Variants in PTPRN2 observed in about 807,000 individuals in gnomAD.
The protein encoded by PTPRN2 is protein tyrosine phosphatase receptor type N2, also known as receptor-type tyrosine-protein phosphatase N2.
PTPRN2 carries 74 observed loss-of-function variants against 118.8 expected under a neutral mutation model. The ratio of observed to expected loss-of-function variants is 0.62; its 90% CI spans 0.52 to 0.76. The LOEUF is 0.76. Among genes scored for constraint, PTPRN2 ranks in the 30% least tolerant of loss-of-function variants. The pLI, the probability that PTPRN2 is intolerant of heterozygous loss-of-function variation, is 0.00. For missense variants in PTPRN2, 1,481 were observed against 1,394.4 expected (o/e 1.06, Z -0.99); for synonymous variants, 641 against 608.0 (o/e 1.05, Z -0.80).
chr7:158,019,388 T>C (rs1286485332), intron 11 of PTPRN2, among the ~76,000 whole-genome samples: 1 of 152,234 alleles, frequency 6.6e-6, no homozygotes, highest in Non-Finnish European at 1.5e-5. Flanking sequence ...GCAGAGGCCG[T>C]GGTGTTTCTG....
intron 3 of PTPRN2, among the ~76,000 whole-genome samples, chr7:158,236,722 C>G (rs533667125): frequency 3.2e-4 from 48 of 152,336 alleles, no homozygotes; most frequent in African/African-American, 1.1e-3. Context: ...ACCCAGTTAC[C>G]TGGTGGAACC....
intron 11 of PTPRN2, among the ~76,000 whole-genome samples, chr7:157,919,584 T>G (rs1291483182): frequency 6.6e-6 from 1 of 152,182 alleles, no homozygotes; most frequent in Non-Finnish European, 1.5e-5. Context: ...ACAGGATTGG[T>G]GAATAAACCC....
At position 157,550,746 on chromosome 7, in the gene PTPRN2, CT is replaced by C. The variant is rs1461426175; in HGVS notation, c.2903-1728del. Among the ~76,000 whole-genome samples the C allele has an allele frequency of 6.6e-6, 1 of 152,210 alleles. No individual in the cohort carries two copies. Among genetic ancestry groups the C allele is most frequent in the Non-Finnish European group, 1.5e-5 (1 of 68,030 alleles). On this transcript the variant is annotated intron_variant, in intron 21 of 22. Coordinates refer to ENST00000389418, the MANE Select transcript of PTPRN2 (RefSeq NM_002847.5). This position sits in a 1 kb window ranked among gnomAD's most constrained non-coding sequence, Gnocchi z 5.2. Reference sequence around the variant, plus strand: ...GAGCCTCTGCAGGCATAAAAGGCGGCTTTCTTTTGCGGCAGCCCGTGAGCTC... The same window carrying C: ...GAGCCTCTGCAGGCATAAAAGGCGGCTTCTTTTGCGGCAGCCCGTGAGCTC...
intron 2 of PTPRN2, among the ~76,000 whole-genome samples, chr7:158,395,995 A>T (rs947496724): frequency 6.6e-6 from 1 of 152,038 alleles, no homozygotes; most frequent in Non-Finnish European, 1.5e-5. Flanking sequence ...TCCCGCCGCG[A>T]CCCATGGGGC....
At chr7:157,775,087 C>T (rs1360569147) in intron 12 of PTPRN2, among the ~76,000 whole-genome samples, 5 of 152,184 alleles carry the variant, frequency 3.3e-5, no homozygotes, top group Admixed American at 3.3e-4. Context: ...GGGAGTCCCT[C>T]AGTCCTCAGG....
intron 3 of PTPRN2, among the ~76,000 whole-genome samples, chr7:158,311,413 A>G (rs935670581): frequency 6.6e-6 from 1 of 152,188 alleles, no homozygotes; most frequent in East Asian, 1.9e-4. Flanking sequence ...CCAACGAGTG[A>G]CATTTAAATG....
At chr7:158,201,908 T>C (rs1826674560) in intron 4 of PTPRN2, among the ~76,000 whole-genome samples, 1 of 152,182 alleles carries the variant, frequency 6.6e-6, no homozygotes, top group Non-Finnish European at 1.5e-5. Context: ...CTGAGCACCC[T>C]GGGCCCATGT....
chr7:157,584,553 G>A (rs777559076), intron 17 of PTPRN2, among the ~76,000 whole-genome samples: 2 of 152,238 alleles, frequency 1.3e-5, no homozygotes, highest in African/African-American at 2.4e-5. Context: ...ACTGCATCCC[G>A]CTGAAGCGGT....
Position 158,275,691 on chromosome 7 carries a change from G to A in PTPRN2, c.277+41128C>T, listed in dbSNP as rs538173440. ...TCTTTGGTGAGAATCGAGGTACTAC[G>A]TTATGTGGGGTGGGTTTGCCAGGGC... On this transcript the variant is annotated intron_variant, in intron 3 of 22. Coordinates refer to ENST00000389418, the MANE Select transcript of PTPRN2 (RefSeq NM_002847.5). Among the ~76,000 whole-genome samples the A allele has an allele frequency of 9.8e-5, 15 of 152,292 alleles. No homozygotes were observed. The East Asian group carries it at 1.4e-3, about 14-fold the overall frequency.
chr7:157,945,974 C>T (rs1455184415), intron 11 of PTPRN2, among the ~76,000 whole-genome samples: 1 of 152,132 alleles, frequency 6.6e-6, no homozygotes, highest in Non-Finnish European at 1.5e-5. Flanking sequence ...CTGGAAGATT[C>T]TGCCTTTCTG....
At chr7:158,055,882 C>T (rs1809745118) in intron 11 of PTPRN2, among the ~76,000 whole-genome samples, 1 of 151,968 alleles carries the variant, frequency 6.6e-6, no homozygotes, top group Non-Finnish European at 1.5e-5. Flanking sequence ...ATCTTTTTGT[C>T]TTGTGTCTTT....
intron 14 of PTPRN2, among the ~76,000 whole-genome samples, chr7:157,623,495 C>T (rs1036634869): frequency 9.2e-5 from 14 of 152,188 alleles, no homozygotes; most frequent in African/African-American, 3.4e-4. Context: ...ATGATGAACC[C>T]TAGCAGGTTT....
chr7:157,778,567 T>C (rs1002058825), intron 12 of PTPRN2, among the ~76,000 whole-genome samples: 6 of 152,118 alleles, frequency 3.9e-5, no homozygotes, highest in African/African-American at 1.4e-4. Context: ...CACATACATG[T>C]GCATTCAGGT....
At chr7:158,328,819 C>A (rs1803878765) in intron 2 of PTPRN2, among the ~76,000 whole-genome samples, 1 of 149,244 alleles carries the variant, frequency 6.7e-6, no homozygotes, top group African/African-American at 2.5e-5. Context: ...CCCAGGGATC[C>A]CAGGGAGGCC....
At chr7:158,419,854 A>G (rs1815105054) in intron 2 of PTPRN2, among the ~76,000 whole-genome samples, 1 of 152,136 alleles carries the variant, frequency 6.6e-6, no homozygotes, top group African/African-American at 2.4e-5. Context: ...AGTGGCAGTC[A>G]TTACTTCAAA....
chr7:158,286,036 G>A (rs991652197), intron 3 of PTPRN2, among the ~76,000 whole-genome samples: 6 of 152,256 alleles, frequency 3.9e-5, no homozygotes, highest in East Asian at 3.9e-4. Flanking sequence ...AACAGCCATC[G>A]GGAAACATGC....
intron 6 of PTPRN2, among the ~76,000 whole-genome samples, chr7:158,140,079 G>C (rs962663948): frequency 6.6e-6 from 1 of 152,162 alleles, no homozygotes; most frequent in African/African-American, 2.4e-5. Flanking sequence ...AAACAAGAAA[G>C]ACCGTCTTCT....
chr7:157,919,889 T>G (rs556960930), intron 11 of PTPRN2, among the ~76,000 whole-genome samples: 1 of 152,354 alleles, frequency 6.6e-6, no homozygotes, highest in South Asian at 2.1e-4. Context: ...ACAGCCATCG[T>G]AAAGCCACAG....
intron 1 of PTPRN2, among the ~76,000 whole-genome samples, chr7:158,562,515 C>T (rs1274266756): frequency 6.6e-6 from 1 of 152,176 alleles, no homozygotes; most frequent in African/African-American, 2.4e-5. Flanking sequence ...ACTGCGGCAA[C>T]AGCAGCAGAG....
Sources: gnomAD v4.1 joint callset for allele counts (sites outside exome capture counted in the v4.1 genomes callset) on GRCh38, gnomAD v4.1.1 for gene constraint, Gnocchi (gnomAD v3.1) non-coding constraint, MANE v1.5 for transcripts, NCBI Gene and HGNC (gene_info 2026-07-23, HGNC 2026-07-21) for gene names.